The following RBFOX1 variants were observed in gnomAD, a reference collection of about 807,000 sequenced individuals.
RBFOX1 encodes RNA binding protein fox-1 homolog 1.
Under a neutral mutation model 57.7 loss-of-function variants are expected in RBFOX1, and 8 were observed. The ratio of observed to expected loss-of-function variants is 0.14; its 90% confidence interval spans 0.08 to 0.25. The LOEUF is 0.25. Among genes scored for constraint, RBFOX1 ranks in the 10% least tolerant of loss-of-function variants. RBFOX1 has a pLI of 1.00. For synonymous variants in RBFOX1, 326 were observed against 222.4 expected (o/e 1.47, Z -4.15); for missense variants, 611 against 548.5 (o/e 1.11, Z -1.14).
At chr16:6,979,134 C>G (rs1453208682) in intron 3 of RBFOX1, among the ~76,000 whole-genome samples, 2 of 152,194 alleles carry the variant, frequency 1.3e-5, no homozygotes, top group East Asian at 3.8e-4. Flanking sequence ...TACCAAAAAT[C>G]AGACCTGAAT....
intron 4 of RBFOX1, among the ~76,000 whole-genome samples, chr16:7,330,913 T>C (rs1402562867): frequency 5.9e-5 from 9 of 152,094 alleles, no homozygotes; most frequent in Admixed American, 1.3e-4. Context: ...CTCAGAAATG[T>C]GGTGTTGAAA....
chr16:6,747,256 C>T (rs538299956), intron 3 of RBFOX1, among the ~76,000 whole-genome samples: 1 of 151,980 alleles, frequency 6.6e-6, no homozygotes, highest in Non-Finnish European at 1.5e-5. Context: ...TAAAAATATA[C>T]AAATTAGCCT....
chr16:6,766,820 G>A (rs980461928), intron 3 of RBFOX1, among the ~76,000 whole-genome samples: 4 of 152,096 alleles, frequency 2.6e-5, no homozygotes, highest in East Asian at 3.9e-4. Context: ...AGTTTCAGGC[G>A]AGACCTAAAG....
At chr16:7,423,980 G>C (rs190844769) in intron 4 of RBFOX1, among the ~76,000 whole-genome samples, 1 of 152,230 alleles carries the variant, frequency 6.6e-6, no homozygotes, top group East Asian at 1.9e-4. Flanking sequence ...AAAGCTAATA[G>C]GATGGAGAAC....
intron 3 of RBFOX1, among the ~76,000 whole-genome samples, chr16:6,673,591 G>A (rs1283621140): frequency 2.0e-5 from 3 of 152,096 alleles, no homozygotes; most frequent in African/African-American, 7.2e-5. Context: ...GAGACAGAGC[G>A]AGACTCCATG....
chr16:7,139,168 A>ATCTCTC lies in RBFOX1; in HGVS notation c.27+87074_27+87079dup, dbSNP rs144266030. On this transcript the variant is annotated intron_variant, in intron 4 of 15. Coordinates refer to ENST00000550418, the MANE Select transcript of RBFOX1 (RefSeq NM_018723.4). ...CTCTTTTATAATGCAGATGAAATCA[A>ATCTCTC]TCTCTCTCTGTGTGTGTGTGTGTGT... Among the ~76,000 whole-genome samples, 1,088 of 139,488 alleles carry ATCTCTC rather than the reference A, an allele frequency of 7.8e-3. 13 individuals are homozygous for ATCTCTC. The highest frequency in any genetic ancestry group is 0.012 in the Non-Finnish European group (776 of 63,780). 91.5% of individuals were successfully genotyped at this position (139,488 alleles called of 152,430 possible).
intron 3 of RBFOX1, among the ~76,000 whole-genome samples, chr16:6,907,363 G>C (rs7193961): frequency 0.33 from 50,855 of 152,018 alleles, 10,369 homozygotes; most frequent in African/African-American, 0.58. Flanking sequence ...CTGTCCTTGA[G>C]AGAATGGCGG....
chr16:5,863,215 C>T (rs915854081), intron 3 of RBFOX1, among the ~76,000 whole-genome samples: 2 of 152,184 alleles, frequency 1.3e-5, no homozygotes, highest in African/African-American at 4.8e-5. Flanking sequence ...ATTTCAAACA[C>T]ATGCAGAGAA....
At chr16:7,009,631 G>C (rs970634662) in intron 3 of RBFOX1, among the ~76,000 whole-genome samples, 5 of 152,242 alleles carry the variant, frequency 3.3e-5, no homozygotes, top group African/African-American at 9.6e-5. Context: ...ATAGCATATT[G>C]GAATTCTACC....
intron 5 of RBFOX1, among the ~76,000 whole-genome samples, chr16:7,572,407 C>T (rs2092879246): frequency 6.6e-6 from 1 of 152,146 alleles, no homozygotes; most frequent in South Asian, 2.1e-4. Flanking sequence ...TCAAGTGGTA[C>T]AGTTTTGCCT....
Position 7,450,044 on chromosome 16 carries a change from A to C in RBFOX1, c.28-68103A>C, listed in dbSNP as rs150581523. Among the ~76,000 whole-genome samples the C allele has an allele frequency of 3.7e-3, 570 of 152,238 alleles. 3 individuals carry two copies. The highest frequency in any genetic ancestry group is 5.5e-3 in the Non-Finnish European group (374 of 68,022). ...CTTGTGGCAGCTTTTCTGGGTGTGGATTTCAGAGCCTGTCATCATAGAAAG... is the reference window on the plus strand; with the variant it reads ...CTTGTGGCAGCTTTTCTGGGTGTGGCTTTCAGAGCCTGTCATCATAGAAAG... On this transcript the variant is annotated intron_variant, in intron 4 of 15. Coordinates refer to ENST00000550418, the MANE Select transcript of RBFOX1 (RefSeq NM_018723.4).
intron 14 of RBFOX1, among the ~76,000 whole-genome samples, chr16:7,703,315 G>A (rs1428798973): frequency 6.6e-6 from 1 of 152,158 alleles, no homozygotes; most frequent in African/African-American, 2.4e-5. Flanking sequence ...CCTTCTCTGT[G>A]TTGGGAGGGG....
chr16:5,973,523 A>G (rs1413895603), intron 4 of RBFOX1, among the ~76,000 whole-genome samples: 2 of 152,222 alleles, frequency 1.3e-5, no homozygotes, highest in African/African-American at 2.4e-5. Flanking sequence ...TATACGCAGG[A>G]TATGAAGGAC....
intron 14 of RBFOX1, among the ~76,000 whole-genome samples, chr16:7,682,833 G>T (rs1388322261): frequency 6.9e-6 from 1 of 144,644 alleles, no homozygotes; most frequent in South Asian, 2.2e-4. Context: ...GATCCATTTT[G>T]TTGTTGTTGT....
intron 3 of RBFOX1, among the ~76,000 whole-genome samples, chr16:6,961,145 C>CTCACACACA (rs142889433): frequency 2.1e-5 from 3 of 143,658 alleles, no homozygotes; most frequent in African/African-American, 7.8e-5. Flanking sequence ...TCACACACAC[C>CTCACACACA]CACACAGACA....
intron 4 of RBFOX1, among the ~76,000 whole-genome samples, chr16:5,996,738 C>G (rs535370286): frequency 6.6e-6 from 1 of 152,246 alleles, no homozygotes; most frequent in Non-Finnish European, 1.5e-5. Flanking sequence ...TCACAGACAG[C>G]TCACAGCTCC....
intron 2 of RBFOX1, among the ~76,000 whole-genome samples, chr16:6,449,822 A>G (rs999922480): frequency 2.0e-5 from 3 of 152,220 alleles, no homozygotes; most frequent in African/African-American, 4.8e-5. Flanking sequence ...TGAAGGTGGC[A>G]TGGCCCCACT....
At chr16:7,054,649 TAGAAAG>T (rs1356598871) in intron 4 of RBFOX1, among the ~76,000 whole-genome samples, 4 of 152,070 alleles carry the variant, frequency 2.6e-5, no homozygotes, top group Non-Finnish European at 4.4e-5. Context: ...TTTGCTTTCT[TAGAAAG>T]AGAGTGGAAG....
At chr16:5,422,758 G>A (rs2067382378) in intron 1 of RBFOX1, among the ~76,000 whole-genome samples, 1 of 138,688 alleles carries the variant, frequency 7.2e-6, no homozygotes, top group Non-Finnish European at 1.6e-5. Flanking sequence ...GGAGGAAAGA[G>A]GAAGAAGATG....
Sources: gnomAD v4.1 joint callset for allele counts (sites outside exome capture counted in the v4.1 genomes callset) on GRCh38, gnomAD v4.1.1 for gene constraint, MANE v1.5 for transcripts, NCBI Gene and HGNC (gene_info 2026-07-23, HGNC 2026-07-21) for gene names.